Variants in ZGPAT observed in about 807,000 individuals in gnomAD.
ZGPAT encodes the protein zinc finger CCCH-type and G-patch domain containing.
Under a neutral mutation model 47.9 loss-of-function variants are expected in ZGPAT, and 39 were observed. The observed-to-expected ratio is 0.81, with a 90% CI of 0.63 to 1.06. The LOEUF (loss-of-function observed/expected upper bound fraction) is 1.06. Ranked by LOEUF, ZGPAT falls within the 50% of genes least tolerant of loss-of-function variation. The pLI is 0.00. For synonymous variants in ZGPAT, 348 were observed against 292.9 expected (o/e 1.19, Z -1.92); for missense variants, 717 against 681.4 (o/e 1.05, Z -0.58).
At chr20:63,733,820 A>C in intron 4 of ZGPAT, 81 bp downstream of exon 4, 1 of 1,529,374 alleles carries the variant, frequency 6.5e-7, no homozygotes, top group Non-Finnish European at 8.8e-7. Flanking sequence ...GGCACCAACC[A>C]TCTAACCAAA....
chr20:63,733,763 A>G (rs1403074081), intron 4 of ZGPAT, 24 bp downstream of exon 4: 1 of 1,590,474 alleles, frequency 6.3e-7, no homozygotes, highest in East Asian at 2.2e-5. Context: ...TGCGGAGCCC[A>G]GGAGCCAGGA....
At chr20:63,734,574 G>A in intron 4 of ZGPAT, 131 bp from the exon 5 acceptor site, 1 of 1,512,508 alleles carries the variant, frequency 6.6e-7, no homozygotes, top group Non-Finnish European at 8.9e-7. Flanking sequence ...GAGCTCATTG[G>A]TCAAAGCCCG....
At chr20:63,711,682 A>C (rs1197776462) in intron 2 of ZGPAT, among the ~76,000 whole-genome samples, 1 of 151,848 alleles carries the variant, frequency 6.6e-6, no homozygotes, top group African/African-American at 2.4e-5. Flanking sequence ...TCCTGGGTTC[A>C]AGGGATTCTC....
At chr20:63,724,883 G>A (rs935413307) in intron 2 of ZGPAT, among the ~76,000 whole-genome samples, 1 of 151,642 alleles carries the variant, frequency 6.6e-6, no homozygotes, top group Non-Finnish European at 1.5e-5. Flanking sequence ...CACTATGTTG[G>A]CCAGGCTGGT....
chr20:63,734,238 T>G, intron 4 of ZGPAT: 1 of 239,866 alleles, frequency 4.2e-6, no homozygotes, highest in Admixed American at 5.1e-5. Flanking sequence ...ATGTGGGAGG[T>G]CACCTGACCC....
Position 63,735,170 on chromosome 20 carries a change from C to T in ZGPAT, c.1003C>T (p.His335Tyr), listed in dbSNP as rs910979568. The T allele has an allele frequency of 1.3e-5, 19 of 1,515,432 alleles. No individual in the cohort carries two copies. Among genetic ancestry groups the T allele is most frequent in the Non-Finnish European group, 1.7e-5 (19 of 1,132,122 alleles). 93.9% of individuals were successfully genotyped at this position (1,515,432 alleles called of 1,614,324 possible). ...CCGTGCCTCCGCAGGTTTGGGCCGA[C>T]ACGCGGAAGGCCGGGTGGAGCCCAT... ...GYEFGKGLGR[H>Y]AEGRVEPIHA... Residue 335 changes from histidine (H) to tyrosine (Y), a missense_variant, in exon 6 of 7, where the codon CAC becomes TAC. Transcript: ENST00000355969.
At chr20:63,735,131 C>G (rs779039820) in intron 5 of ZGPAT, 28 bp from the exon 6 acceptor site, 1 of 1,493,556 alleles carries the variant, frequency 6.7e-7, no homozygotes, top group African/African-American at 1.4e-5. Flanking sequence ...CCCGCAGCCA[C>G]AGCACTGCCA....
intron 2 of ZGPAT, among the ~76,000 whole-genome samples, chr20:63,725,853 A>G (rs1205696206): frequency 2.0e-5 from 3 of 147,712 alleles, no homozygotes; most frequent in African/African-American, 5.0e-5. Context: ...ATTTTTTGAG[A>G]CGGAGTTTTG....
At chr20:63,707,915 T>G (rs900317553), upstream of ZGPAT, 1 of 152,356 alleles carries the variant, frequency 6.6e-6, no homozygotes, top group Non-Finnish European at 1.5e-5. Flanking sequence ...CCCGCTGACC[T>G]CCGCTGACCC....
Position 63,722,642 on chromosome 20 carries a change from A to AT in ZGPAT, c.585-10566dup, listed in dbSNP as rs112084216. Among the ~76,000 whole-genome samples the AT allele has an allele frequency of 1.6e-3, 238 of 145,736 alleles. 1 individual carries two copies. In the Middle Eastern group the frequency reaches 0.025, roughly 15 times the overall value. ...ACTAACTTAACACTTAAAGTACAGC[A>AT]TTTTTTTTTTTATGGAGTTTCACTC... On this transcript the variant is annotated intron_variant, in intron 2 of 6. Transcript: ENST00000355969.
intron 2 of ZGPAT, among the ~76,000 whole-genome samples, chr20:63,720,400 C>T (rs2091775748): frequency 6.6e-6 from 1 of 152,124 alleles, no homozygotes; most frequent in Non-Finnish European, 1.5e-5. Flanking sequence ...CATGATCCTC[C>T]TGCCTCGGCC....
At chr20:63,731,191 A>G (rs572362862) in intron 2 of ZGPAT, among the ~76,000 whole-genome samples, 2 of 152,242 alleles carry the variant, frequency 1.3e-5, no homozygotes, top group East Asian at 3.9e-4. Flanking sequence ...CTGCTGCCAC[A>G]CTGTGACTCC....
chr20:63,728,331 C>T (rs1159732109), intron 2 of ZGPAT, among the ~76,000 whole-genome samples: 3 of 152,158 alleles, frequency 2.0e-5, no homozygotes, highest in Non-Finnish European at 2.9e-5. Context: ...CCACCACGCA[C>T]GGCCTTAAAT....
chr20:63,731,947 A>G (rs2091908825), intron 2 of ZGPAT, among the ~76,000 whole-genome samples: 1 of 152,212 alleles, frequency 6.6e-6, no homozygotes, highest in Admixed American at 6.6e-5. Flanking sequence ...TTATATGCAA[A>G]CACTATGTCA....
intron 2 of ZGPAT, among the ~76,000 whole-genome samples, chr20:63,725,913 A>C (rs1377754332): frequency 6.6e-6 from 1 of 151,176 alleles, no homozygotes; most frequent in Non-Finnish European, 1.5e-5. Flanking sequence ...GCTCACTGCA[A>C]CCTCCACCAC....
chr20:63,733,213 C>G lies in ZGPAT; in HGVS notation c.585-6C>G, dbSNP rs2091941086. ...TGAGCCCTGCCCCTTACGGCTCTGT[C>G]TGCAGGTTCTCCCATGGGCAGGTGG... On this transcript the variant is annotated splice_polypyrimidine_tract_variant and splice_region_variant and intron_variant, in intron 2 of 6. Transcript: ENST00000355969. 2 of 1,612,788 alleles carry G rather than the reference C, an allele frequency of 1.2e-6. No homozygotes were observed. The highest frequency in any genetic ancestry group is 1.3e-5 in the African/African-American group (1 of 74,896).
Position 63,735,829 on chromosome 20 carries a change from G to T in ZGPAT, c.1446G>T (p.Gln482His), listed in dbSNP as rs1281619123. The change falls in exon 7 of 7, where the codon CAG becomes CAT. Residue 482 changes from glutamine to histidine, a missense_variant. Physicochemically the swap from Gln to His is conservative, Grantham distance 24 (BLOSUM62 0). Coordinates refer to ENST00000355969, the MANE Select transcript of ZGPAT (RefSeq NM_181485.3). ...TGCAGGAGAAGCTGGCAGGAGCCCAGCGCCAGCTGGGGCAGCTCCGGGCTC... is the reference window on the plus strand; with the variant it reads ...TGCAGGAGAAGCTGGCAGGAGCCCATCGCCAGCTGGGGCAGCTCCGGGCTC... Reference protein sequence around the residue: ...AQLQEKLAGAQRQLGQLRAQE... With the variant: ...AQLQEKLAGAHRQLGQLRAQE... 2 of 1,612,012 alleles carry T rather than the reference G, an allele frequency of 1.2e-6. No homozygotes were observed. Among genetic ancestry groups the T allele is most frequent in the Non-Finnish European group, 1.7e-6 (2 of 1,179,610 alleles).
chr20:63,733,205 G>A lies in ZGPAT; in HGVS notation c.585-14G>A, dbSNP rs770543922. On this transcript the variant is annotated splice_polypyrimidine_tract_variant and intron_variant, in intron 2 of 6. Transcript: ENST00000355969. ...CCCATGTCTGAGCCCTGCCCCTTACGGCTCTGTCTGCAGGTTCTCCCATGG... is the reference window on the plus strand; with the variant it reads ...CCCATGTCTGAGCCCTGCCCCTTACAGCTCTGTCTGCAGGTTCTCCCATGG... The A allele has an allele frequency of 7.4e-6, 12 of 1,611,746 alleles. No individual in the cohort carries two copies. Among genetic ancestry groups the A allele is most frequent in the East Asian group, 2.2e-5 (1 of 44,810 alleles).
rs986789451 is a variant in ZGPAT, at chr20:63,735,497, G to A, written c.1330G>A (p.Glu444Lys). 6.5e-7 allele frequency: 1 copy of A among 1,536,358 alleles called. No homozygotes were observed. Residue 444 changes from glutamate (E) to lysine (K), a missense_variant, in exon 6 of 7, where the codon GAG becomes AAG. Physicochemically the swap from Glu to Lys is moderately conservative, Grantham distance 56 (BLOSUM62 1). Transcript: ENST00000355969. The stretch of plus-strand genomic sequence containing the variant: ...GAGCCTGCGGCTCTTCCAGACTGAG[G>A]AGAAGATCGAGCGAACCCAGCGGGA... ...ALSLRLFQTE[E>K]KIERTQRDIR...
Sources: allele counts gnomAD v4.1 joint callset (sites outside exome capture counted in the v4.1 genomes callset), GRCh38; gene constraint gnomAD v4.1.1; transcripts MANE v1.5; gene names NCBI Gene and HGNC (gene_info 2026-07-23, HGNC 2026-07-21).